NEK10: variants seen among roughly 807,000 people sequenced by gnomAD.
NEK10 encodes the protein NIMA related kinase 10.
NEK10 carries 122 observed loss-of-function variants against 159.8 expected under a neutral mutation model. The observed-to-expected ratio is 0.76, with a 90% CI of 0.66 to 0.89. The LOEUF is 0.89. Ranked by LOEUF, NEK10 falls within the 40% of genes least tolerant of loss-of-function variation. The pLI, the probability that NEK10 is intolerant of heterozygous loss-of-function variation, is 0.00. For synonymous variants in NEK10, 466 were observed against 457.1 expected (o/e 1.02, Z -0.25); for missense variants, 1,342 against 1,323.1 (o/e 1.01, Z -0.22).
chr3:27,217,584 C>G (rs1236577895), intron 23 of NEK10, among the ~76,000 whole-genome samples: 1 of 152,180 alleles, frequency 6.6e-6, no homozygotes, highest in Non-Finnish European at 1.5e-5. Flanking sequence ...CTGGGAATTA[C>G]AATCCAACAT....
chr3:27,198,809 C>T (rs546902909), intron 25 of NEK10, among the ~76,000 whole-genome samples: 11 of 152,168 alleles, frequency 7.2e-5, no homozygotes, highest in East Asian at 1.9e-4. Context: ...CGGTGACTCA[C>T]GACTGTAATC....
chr3:27,252,310 A>G, intron 23 of NEK10: 1 of 449,812 alleles, frequency 2.2e-6, no homozygotes, highest in Non-Finnish European at 4.5e-6. Flanking sequence ...AGTGGCATTT[A>G]AGCAAAGAGC....
At chr3:27,252,851 G>T (rs747434760) in intron 23 of NEK10, 3 of 501,410 alleles carry the variant, frequency 6.0e-6, no homozygotes, top group East Asian at 5.6e-5. Context: ...ACTTGGCAGA[G>T]GCCAGAGAAT....
chr3:27,217,259 T>C (rs1951630718), intron 23 of NEK10, among the ~76,000 whole-genome samples: 1 of 152,122 alleles, frequency 6.6e-6, no homozygotes, highest in Non-Finnish European at 1.5e-5. Flanking sequence ...AAATCCTGTA[T>C]TCGTCCACTC....
At chr3:27,193,013 T>G (rs1016968186) in intron 25 of NEK10, among the ~76,000 whole-genome samples, 7 of 152,204 alleles carry the variant, frequency 4.6e-5, no homozygotes, top group African/African-American at 1.4e-4. Flanking sequence ...AAGACTCAGA[T>G]AGCCCACCTG....
chr3:27,293,366 A>G (rs2043137777), intron 16 of NEK10, among the ~76,000 whole-genome samples: 1 of 152,228 alleles, frequency 6.6e-6, no homozygotes, highest in African/African-American at 2.4e-5. Context: ...TGATATAGCA[A>G]TTTATGCTCT....
At chr3:27,290,476 G>T in intron 19 of NEK10, 141 bp downstream of exon 19, 1 of 592,362 alleles carries the variant, frequency 1.7e-6, no homozygotes, top group Non-Finnish European at 2.8e-6. Context: ...AAAAAAGCTG[G>T]CAAAAATATC....
At chr3:27,179,382 T>C (rs1440048713) in intron 26 of NEK10, among the ~76,000 whole-genome samples, 2 of 152,222 alleles carry the variant, frequency 1.3e-5, no homozygotes, top group African/African-American at 4.8e-5. Context: ...CACTATTACA[T>C]ATTAATGAGC....
At chr3:27,309,042 G>A in intron 9 of NEK10, 37 bp from the exon 10 acceptor site, 4 of 1,050,614 alleles carry the variant, frequency 3.8e-6, no homozygotes, top group Non-Finnish European at 5.7e-6. Flanking sequence ...AATTATATAA[G>A]TACTACAAGC....
intron 23 of NEK10, among the ~76,000 whole-genome samples, chr3:27,218,472 G>T (rs1951753338): frequency 6.6e-6 from 1 of 151,988 alleles, no homozygotes; most frequent in Non-Finnish European, 1.5e-5. Context: ...GGGCTTGGTG[G>T]CGCATGCCTT....
intron 35 of NEK10, among the ~76,000 whole-genome samples, chr3:27,113,190 T>C (rs1939824054): frequency 6.6e-6 from 1 of 151,592 alleles, no homozygotes; most frequent in African/African-American, 2.4e-5. Flanking sequence ...TCCCAGCACT[T>C]TGGGAGGCCA....
In NEK10 at chr3:27,107,303, T is replaced by C. The variant is rs956644175; in HGVS notation, c.*3969A>G. ...CCCTCTTGCAAATCTCAAAACAACA[T>C]CACAGCAGGACTATAATCAACCACA... On this transcript the variant is annotated 3_prime_UTR_variant, in exon 36 of 36. Coordinates refer to ENST00000691995, the MANE Select transcript of NEK10 (RefSeq NM_001394966.1). Among the ~76,000 whole-genome samples, 1 of 152,016 alleles carries C rather than the reference T, an allele frequency of 6.6e-6. No individual in the cohort carries two copies. The highest frequency in any genetic ancestry group is 1.5e-5 in the Non-Finnish European group (1 of 68,008).
chr3:27,217,948 ATAAC>A (rs777029359), intron 23 of NEK10, among the ~76,000 whole-genome samples: 3 of 152,212 alleles, frequency 2.0e-5, no homozygotes, highest in Non-Finnish European at 2.9e-5. Flanking sequence ...GAGATTAACA[ATAAC>A]TAATAACAAA....
chr3:27,166,419 GGAGT>G (rs1268418010), intron 29 of NEK10, among the ~76,000 whole-genome samples: 1 of 152,124 alleles, frequency 6.6e-6, no homozygotes, highest in Non-Finnish European at 1.5e-5. Context: ...TAAGGCTGTT[GGAGT>G]GAGACATTAG....
At chr3:27,352,741 A>C in intron 2 of NEK10, 71 bp downstream of exon 2, 1 of 1,083,972 alleles carries the variant, frequency 9.2e-7, no homozygotes, top group East Asian at 2.4e-5. Context: ...TCTATTTCTC[A>C]AAAAGCCATT....
intron 19 of NEK10, among the ~76,000 whole-genome samples, chr3:27,290,179 C>T (rs1024660094): frequency 6.6e-6 from 1 of 152,060 alleles, no homozygotes; most frequent in Admixed American, 6.5e-5. Context: ...ACATAATAAC[C>T]CAACTTGAAA....
chr3:27,131,743 C>A, intron 32 of NEK10, 137 bp downstream of exon 32: 1 of 431,898 alleles, frequency 2.3e-6, no homozygotes, highest in Non-Finnish European at 4.2e-6. Context: ...GACATATCCT[C>A]AATTTAGTAT....
intron 23 of NEK10, among the ~76,000 whole-genome samples, chr3:27,234,198 T>A (rs1953649065): frequency 6.6e-6 from 1 of 152,060 alleles, no homozygotes; most frequent in Admixed American, 6.6e-5. Flanking sequence ...GCATTTTCCT[T>A]GAAAACCAGC....
Position 27,256,391 on chromosome 3 carries a change from G to A in NEK10, c.2015-20C>T, listed in dbSNP as rs747962057. ...AGTCAGCTACAATTCACAAAACAAC[G>A]CAATATGTTACTATATTTTCCCAGA... On this transcript the variant is annotated intron_variant, in intron 22 of 35. Transcript: ENST00000691995. 2.4e-5 allele frequency: 36 copies of A among 1,498,676 alleles called. No homozygotes were observed. The highest frequency in any genetic ancestry group is 8.7e-5 in the African/African-American group (6 of 69,176). The allele number at this position is 1,498,676 out of a possible 1,614,324, so 92.8% of individuals were successfully genotyped here. A position where few individuals can be genotyped will look rare whatever the true frequency, so the allele number is the denominator to read the frequency against.
Sources: gnomAD v4.1 joint callset for allele counts (sites outside exome capture counted in the v4.1 genomes callset) on GRCh38, gnomAD v4.1.1 for gene constraint, MANE v1.5 for transcripts, NCBI Gene and HGNC (gene_info 2026-07-23, HGNC 2026-07-21) for gene names.